Variants in TDRD5 observed in about 807,000 individuals in gnomAD.
TDRD5 encodes the protein tudor domain-containing protein 5.
In TDRD5, 41 loss-of-function variants were observed where a neutral mutation model predicts 120.6. That is an observed-to-expected ratio of 0.34 (90% CI 0.26 to 0.44). TDRD5 has a LOEUF of 0.44. Among genes scored for constraint, TDRD5 ranks in the 20% least tolerant of loss-of-function variants. The pLI is 1.00. For missense variants in TDRD5, 1,006 were observed against 1,221.2 expected, an observed-to-expected ratio of 0.82 and a Z score of 2.63; for synonymous variants, 430 against 433.7, an observed-to-expected ratio of 0.99 and a Z score of 0.11.
At chr1:179,623,230 C>T (rs1253045145) in intron 6 of TDRD5, among the ~76,000 whole-genome samples, 3 of 152,082 alleles carry the variant, frequency 2.0e-5, no homozygotes, top group African/African-American at 7.2e-5. Context: ...AAATAATGTT[C>T]TTCAGGCTGA....
chr1:179,621,130 G>A, intron 6 of TDRD5, 39 bp downstream of exon 6: 2 of 1,557,706 alleles, frequency 1.3e-6, no homozygotes, highest in Non-Finnish European at 1.7e-6. Flanking sequence ...ATTTTTTATG[G>A]CTTATATTTC....
At chr1:179,667,333 A>G (rs2147773611) in intron 16 of TDRD5, among the ~76,000 whole-genome samples, 1 of 152,328 alleles carries the variant, frequency 6.6e-6, no homozygotes, top group East Asian at 1.9e-4. Flanking sequence ...CTTAAATCAT[A>G]TTTGTCAAGA....
chr1:179,668,495 C>T (rs1679669952), intron 16 of TDRD5, among the ~76,000 whole-genome samples: 1 of 152,166 alleles, frequency 6.6e-6, no homozygotes, highest in African/African-American at 2.4e-5. Flanking sequence ...CGTAGTATCA[C>T]CTACCTAGGA....
At chr1:179,668,228 C>G (rs1158270874) in intron 16 of TDRD5, among the ~76,000 whole-genome samples, 1 of 152,190 alleles carries the variant, frequency 6.6e-6, no homozygotes, top group Non-Finnish European at 1.5e-5. Flanking sequence ...ATCTTTTTCT[C>G]TCAAACCCTG....
intron 17 of TDRD5, among the ~76,000 whole-genome samples, 153 bp downstream of exon 17, chr1:179,669,557 T>C (rs977471084): frequency 6.6e-6 from 1 of 152,226 alleles, no homozygotes; most frequent in African/African-American, 2.4e-5. Flanking sequence ...ATGTTTGGGC[T>C]CAATTGTTCC....
chr1:179,605,102 C>A (rs1350216496), intron 4 of TDRD5, among the ~76,000 whole-genome samples: 1 of 152,144 alleles, frequency 6.6e-6, no homozygotes, highest in Non-Finnish European at 1.5e-5. Flanking sequence ...TCCTGTTGGA[C>A]AAGGCCCTTT....
In TDRD5 at chr1:179,593,680, T is replaced by C. The variant is rs1490984150; in HGVS notation, c.453T>C (p.Ser151=). The C allele has an allele frequency of 6.2e-6, 10 of 1,614,168 alleles. No individual in the cohort carries two copies. The highest frequency in any genetic ancestry group is 3.3e-5 in the Admixed American group (2 of 60,014). Residue 151 remains serine (S), a synonymous_variant, in exon 3 of 18, where the codon TCT becomes TCC. Coordinates refer to ENST00000444136, the MANE Select transcript of TDRD5 (RefSeq NM_001199085.3). ...TGGCGTTATCTCCTGTTCTTCTTTCTGATTTTGAAAAGGCATTTGCCAAAA... is the reference window on the plus strand; with the variant it reads ...TGGCGTTATCTCCTGTTCTTCTTTCCGATTTTGAAAAGGCATTTGCCAAAA... ...DLLALSPVLL[S]DFEKAFAKRF...
At chr1:179,605,156 C>T (rs1675906455) in intron 4 of TDRD5, among the ~76,000 whole-genome samples, 1 of 152,176 alleles carries the variant, frequency 6.6e-6, no homozygotes, top group South Asian at 2.1e-4. Flanking sequence ...ACTGCTGTTG[C>T]TTTAAAGTTT....
At chr1:179,681,228 C>T (rs1253411998) in intron 17 of TDRD5, among the ~76,000 whole-genome samples, 1 of 152,166 alleles carries the variant, frequency 6.6e-6, no homozygotes, top group African/African-American at 2.4e-5. Flanking sequence ...CAGTTGCACA[C>T]CAGCACACCT....
chr1:179,675,042 C>T (rs1680050510), intron 17 of TDRD5, among the ~76,000 whole-genome samples: 1 of 151,740 alleles, frequency 6.6e-6, no homozygotes, highest in Non-Finnish European at 1.5e-5. Flanking sequence ...TCATTTAGTT[C>T]TCCTCTGATC....
chr1:179,619,249 C>T (rs898101388), intron 5 of TDRD5, among the ~76,000 whole-genome samples: 2 of 152,144 alleles, frequency 1.3e-5, no homozygotes, highest in African/African-American at 2.4e-5. Flanking sequence ...TATCCCATCA[C>T]GTTGTTTTAG....
At chr1:179,688,045 T>A (rs1680843925) in intron 17 of TDRD5, among the ~76,000 whole-genome samples, 1 of 152,204 alleles carries the variant, frequency 6.6e-6, no homozygotes, top group Non-Finnish European at 1.5e-5. Flanking sequence ...CCCATTTACA[T>A]TTAAGGTTAA....
At chr1:179,601,538 C>G (rs1675713193) in intron 4 of TDRD5, among the ~76,000 whole-genome samples, 1 of 152,184 alleles carries the variant, frequency 6.6e-6, no homozygotes, top group African/African-American at 2.4e-5. Flanking sequence ...TCCTGAGTTA[C>G]TTCACTCAGA....
chr1:179,645,551 G>T (rs1161321564), intron 11 of TDRD5, among the ~76,000 whole-genome samples: 1 of 152,148 alleles, frequency 6.6e-6, no homozygotes, highest in African/African-American at 2.4e-5. Flanking sequence ...TTCTTAAAAA[G>T]TGTATATTCT....
intron 17 of TDRD5, among the ~76,000 whole-genome samples, chr1:179,675,479 C>T (rs1304689325): frequency 6.7e-6 from 1 of 150,200 alleles, no homozygotes; most frequent in African/African-American, 2.4e-5. Flanking sequence ...CGGGGTTTCA[C>T]CGTGTTAGCC....
chr1:179,671,396 T>A (rs986896858), intron 17 of TDRD5, among the ~76,000 whole-genome samples: 4 of 152,230 alleles, frequency 2.6e-5, no homozygotes, highest in African/African-American at 7.2e-5. Flanking sequence ...TCTGATTTTT[T>A]AAATTTAAGT....
intron 6 of TDRD5, among the ~76,000 whole-genome samples, chr1:179,622,567 A>G (rs912241898): frequency 1.3e-5 from 2 of 152,198 alleles, no homozygotes; most frequent in Admixed American, 6.5e-5. Context: ...AGGAGATAAG[A>G]TATTTCAGTG....
At chr1:179,633,468 C>G (rs991585879) in intron 7 of TDRD5, among the ~76,000 whole-genome samples, 1 of 151,994 alleles carries the variant, frequency 6.6e-6, no homozygotes, top group African/African-American at 2.4e-5. Context: ...TCTCCTGCCT[C>G]GGCCTCCCAA....
intron 9 of TDRD5, among the ~76,000 whole-genome samples, chr1:179,639,295 T>C (rs1386300606): frequency 6.6e-6 from 1 of 152,188 alleles, no homozygotes; most frequent in East Asian, 1.9e-4. Flanking sequence ...GGAGTCAGGA[T>C]TTGGACCCAG....
Sources: gnomAD v4.1 joint callset for allele counts (sites outside exome capture counted in the v4.1 genomes callset) on GRCh38, gnomAD v4.1.1 for gene constraint, MANE v1.5 for transcripts, NCBI Gene and HGNC (gene_info 2026-07-23, HGNC 2026-07-21) for gene names.